The following RPL8 variants were observed in gnomAD, a reference collection of about 807,000 sequenced individuals.
RPL8 encodes ribosomal protein L8, also known as large ribosomal subunit protein uL2.
For synonymous variants in RPL8, 182 were observed against 143.2 expected, an observed-to-expected ratio of 1.27 and a Z score of -1.94; for missense variants, 248 against 365.9, an observed-to-expected ratio of 0.68 and a Z score of 2.63.
In RPL8 at chr8:144,791,765, A is replaced by T. The variant is rs1412079217; in HGVS notation, c.280+8T>A. The T allele has an allele frequency of 1.2e-6, 2 of 1,612,920 alleles. No individual in the cohort carries two copies. Among genetic ancestry groups the T allele is most frequent in the South Asian group, 2.2e-5 (2 of 91,034 alleles). On this transcript the variant is annotated splice_region_variant and intron_variant, in intron 2 of 4. Transcript: ENST00000528957. ...ACCCCGACCTTCCTTCCCCGCCGCG[A>T]TGCTAACCCTTCTTGCCGCAATACA...
At chr8:144,790,572 C>T in intron 3 of RPL8, 102 bp from the exon 4 acceptor site, 1 of 927,874 alleles carries the variant, frequency 1.1e-6, no homozygotes, top group East Asian at 2.4e-5. Flanking sequence ...CATCCAACTA[C>T]CCAGCAAAAA....
rs111666427 is a variant in RPL8, at chr8:144,789,965, G to A, written c.616-3C>T. 1 of 1,606,418 alleles carries A rather than the reference G, an allele frequency of 6.2e-7. No individual in the cohort carries two copies. The highest frequency in any genetic ancestry group is 8.5e-7 in the Non-Finnish European group (1 of 1,176,132). Reference sequence around the variant, plus strand: ...CCTCCAAAAGGATGCTCCACAGGCTGCAGGCAGAGAAAGATGGCTTTAGAA... The same window carrying A: ...CCTCCAAAAGGATGCTCCACAGGCTACAGGCAGAGAAAGATGGCTTTAGAA... On this transcript the variant is annotated splice_region_variant and splice_polypyrimidine_tract_variant and intron_variant, in intron 4 of 4. Transcript: ENST00000528957.
At position 144,789,771 on chromosome 8, in the gene RPL8, G is replaced by A. The variant is rs565981099; in HGVS notation, c.*33C>T. The A allele has an allele frequency of 1.2e-6, 2 of 1,613,126 alleles. No homozygotes were observed. The highest frequency in any genetic ancestry group is 3.3e-5 in the Admixed American group (2 of 59,994). Reference sequence around the variant, plus strand: ...CCATGGGGGTGGGCACAGCCAGGTGGCATAAACACAAACTTTATTGAGGCC... The same window carrying A: ...CCATGGGGGTGGGCACAGCCAGGTGACATAAACACAAACTTTATTGAGGCC... On this transcript the variant is annotated 3_prime_UTR_variant, in exon 5 of 5. Transcript: ENST00000528957.
At position 144,791,800 on chromosome 8, in the gene RPL8, C is replaced by T. The variant is rs764263789; in HGVS notation, c.253G>A (p.Gly85Ser). ...LFIAAEGIHT[G>S]QFVYCGKKAQ... ...TTCTTGCCGCAATACACAAACTGGCCCGTGTGAATGCCCTCGGCGGCAATG... is the reference window on the plus strand; with the variant it reads ...TTCTTGCCGCAATACACAAACTGGCTCGTGTGAATGCCCTCGGCGGCAATG... The change falls in exon 2 of 5, where the codon GGC (glycine) becomes AGC (serine). Residue 85 changes from glycine to serine, a missense_variant. Transcript: ENST00000528957. 6.2e-6 allele frequency: 10 copies of T among 1,613,896 alleles called. No homozygotes were observed. In the East Asian group the frequency reaches 2.0e-4, roughly 32 times the overall value.
rs1482477114 is a variant in RPL8, at chr8:144,791,849, C to G, written c.204G>C (p.Arg68=). ...LAKVVFRDPY[R]FKKRTELFIA... ...TGAACAGCTCCGTCCGCTTCTTAAA[C>G]CGATACGGATCCCGGAAGACCACCT... Residue 68 remains arginine (R), a synonymous_variant, in exon 2 of 5, where the codon CGG becomes CGC. Transcript: ENST00000528957. The G allele has an allele frequency of 6.2e-7, 1 of 1,613,894 alleles. No homozygotes were observed. Among genetic ancestry groups the G allele is most frequent in the Non-Finnish European group, 8.5e-7 (1 of 1,180,036 alleles).
chr8:144,790,438 G>A lies in RPL8; in HGVS notation c.532C>T (p.Pro178Ser). The change falls in exon 4 of 5, where the codon CCC (proline) becomes TCC (serine). Residue 178 changes from proline to serine, a missense_variant. Physicochemically the swap from Pro to Ser is moderately conservative, Grantham distance 74. Coordinates refer to ENST00000528957, the MANE Select transcript of RPL8 (RefSeq NM_001317782.2). ...TACGCCCGGCCAGCCTTCAAGATGG[G>A]TTTGTCAATTCGGCCACCTCCAGCC... The part of the protein sequence containing the change: ...VVAGGGRIDK[P>S]ILKAGRAYHK... The A allele has an allele frequency of 6.2e-7, 1 of 1,614,092 alleles. No homozygotes were observed. The highest frequency in any genetic ancestry group is 1.1e-5 in the South Asian group (1 of 91,078).
intron 4 of RPL8, 84 bp downstream of exon 4, chr8:144,790,271 G>A (rs1826454565): frequency 1.8e-6 from 2 of 1,140,190 alleles, no homozygotes; most frequent in Non-Finnish European, 2.6e-6. Context: ...CCTCCTGCAG[G>A]GACACCTGTG....
At position 144,791,589 on chromosome 8, in the gene RPL8, T is replaced by TC. The variant is rs1302906907; in HGVS notation, c.281-95dup. Reference sequence around the variant, plus strand: ...ACCCGCGAAGTTGCGAGCACAGCATTCAACATCCAGCCTCCCGGTACAACT... The same window carrying TC: ...ACCCGCGAAGTTGCGAGCACAGCATTCCAACATCCAGCCTCCCGGTACAACT... On this transcript the variant is annotated intron_variant, in intron 2 of 4. Coordinates refer to ENST00000528957, the MANE Select transcript of RPL8 (RefSeq NM_001317782.2). 3.0e-5 allele frequency: 44 copies of TC among 1,488,586 alleles called. No homozygotes were observed. The African/African-American group carries it at 5.3e-4, about 18-fold the overall frequency. 92.2% of individuals were successfully genotyped at this position (1,488,586 alleles called of 1,614,324 possible).
rs756434599 is a variant in RPL8 at position 144,791,356 on chromosome 8, G to A, written c.420C>T (p.Asn140=). ...SGNYATVISH[N]PETKKTRVKL... is the part of the protein sequence containing the mutation. Reference sequence around the variant, plus strand: ...TCACACGGGTCTTCTTGGTCTCAGGGTTGTGGGAGATAACGGTGGCATAGT... The same window carrying A: ...TCACACGGGTCTTCTTGGTCTCAGGATTGTGGGAGATAACGGTGGCATAGT... Residue 140 remains asparagine, a synonymous_variant, in exon 3 of 5, where the codon AAC becomes AAT. Transcript: ENST00000528957. The A allele has an allele frequency of 1.2e-6, 2 of 1,613,698 alleles. No homozygotes were observed. The highest frequency in any genetic ancestry group is 1.1e-5 in the South Asian group (1 of 91,080).
rs1826564602 is a variant in RPL8, at chr8:144,792,280, G to A, written c.-151C>T. The A allele has an allele frequency of 8.6e-7, 1 of 1,160,830 alleles. No individual in the cohort carries two copies. The highest frequency in any genetic ancestry group is 1.1e-6 in the Non-Finnish European group (1 of 887,492). The allele number at this position is 1,160,830 out of a possible 1,614,324, so 71.9% of individuals were successfully genotyped here. A position where few individuals can be genotyped will look rare whatever the true frequency, so the allele number is the denominator to read the frequency against. On this transcript the variant is annotated 5_prime_UTR_variant, in exon 1 of 5. Transcript: ENST00000528957. ...GGCGCCCGCACCGGCATCCTCTCAG[G>A]AGGGCCGGTCCGGGTCTCAGCGCGC...
chr8:144,791,637 A>C, intron 2 of RPL8, 136 bp downstream of exon 2: 2 of 1,502,626 alleles, frequency 1.3e-6, no homozygotes, highest in Middle Eastern at 2.4e-4. Context: ...ACCGGTGGCC[A>C]CTGGTCTGGC....
chr8:144,789,924 G>A lies in RPL8; in HGVS notation c.654C>T (p.His218=). ...TGCGGATGGTGGAGGGCTTGCCGAT[G>A]TGCTGGTGGTTGCCACCTCCAAAAG... The part of the protein sequence containing the change: ...EHPFGGGNHQ[H]IGKPSTIRRD... The change falls in exon 5 of 5, where the codon CAC becomes CAT. Residue 218 remains histidine, a synonymous_variant. Transcript: ENST00000528957. 1 of 1,613,214 alleles carries A rather than the reference G, an allele frequency of 6.2e-7. No homozygotes were observed. The highest frequency in any genetic ancestry group is 8.5e-7 in the Non-Finnish European group (1 of 1,179,788).
intron 3 of RPL8, 156 bp downstream of exon 3, chr8:144,791,121 A>G: frequency 1.5e-6 from 1 of 679,064 alleles, no homozygotes; most frequent in Non-Finnish European, 2.6e-6. Flanking sequence ...AGTGATGACA[A>G]CTGAGACTAC....
intron 3 of RPL8, chr8:144,790,999 C>T: frequency 1.9e-6 from 1 of 517,128 alleles, no homozygotes; most frequent in South Asian, 2.0e-5. Flanking sequence ...CAACTGCATG[C>T]AAGTGCAGCA....
intron 4 of RPL8, 49 bp from the exon 5 acceptor site, chr8:144,790,011 GC>G: frequency 1.3e-6 from 2 of 1,505,496 alleles, no homozygotes; most frequent in Non-Finnish European, 1.8e-6. Flanking sequence ...CACCACCCCC[GC>G]CCCCGGCCTC....
At chr8:144,791,144 A>C (rs760661103) in intron 3 of RPL8, 133 bp downstream of exon 3, 22 of 840,408 alleles carry the variant, frequency 2.6e-5, no homozygotes, top group Non-Finnish European at 3.8e-5. Context: ...GATGAGCTCA[A>C]ACTTACAGAA....
chr8:144,791,428 C>T lies in RPL8; in HGVS notation c.348G>A (p.Leu116=), dbSNP rs1284171797. ...TGCCACGGTCTCCAGGCTTCTCCTC[C>T]AGGCAGCACACGATTGTACCCTCAG... ...TMPEGTIVCC[L]EEKPGDRGKL... is the part of the protein sequence containing the mutation. The change falls in exon 3 of 5, where the codon CTG becomes CTA. Residue 116 remains leucine, a synonymous_variant. Coordinates refer to ENST00000528957, the MANE Select transcript of RPL8 (RefSeq NM_001317782.2). The T allele has an allele frequency of 1.2e-6, 2 of 1,613,872 alleles. No homozygotes were observed. Among genetic ancestry groups the T allele is most frequent in the Non-Finnish European group, 1.7e-6 (2 of 1,180,038 alleles).
At position 144,790,376 on chromosome 8, in the gene RPL8, T is replaced by G; in HGVS notation, c.594A>C (p.Arg198=). The G allele has an allele frequency of 6.2e-7, 1 of 1,614,018 alleles. No homozygotes were observed. Among genetic ancestry groups the G allele is most frequent in the South Asian group, 1.1e-5 (1 of 91,074 alleles). ...KYKAKRNCWP[R]VRGVAMNPVE... is the part of the protein sequence containing the mutation. ...TTACATTCATGGCCACACCCCGTAC[T>G]CGTGGCCAGCAGTTCCTCTTTGCCT... Residue 198 remains arginine (R), a synonymous_variant, in exon 4 of 5, where the codon CGA becomes CGC. Coordinates refer to ENST00000528957, the MANE Select transcript of RPL8 (RefSeq NM_001317782.2).
intron 4 of RPL8, 104 bp from the exon 5 acceptor site, chr8:144,790,066 C>T: frequency 7.3e-7 from 1 of 1,364,892 alleles, no homozygotes; most frequent in Non-Finnish European, 9.9e-7. Context: ...AGCCCCTCTC[C>T]ACAGCATGTG....
Sources: allele counts gnomAD v4.1 joint callset, GRCh38; gene constraint gnomAD v4.1.1; transcripts MANE v1.5; gene names NCBI Gene and HGNC (gene_info 2026-07-23, HGNC 2026-07-21).